AHCY: variants seen among roughly 807,000 people sequenced by gnomAD.
The protein encoded by AHCY is S-adenosyl-L-homocysteine hydrolase.
AHCY carries 24 observed loss-of-function variants against 45.4 expected under a neutral mutation model. That is an observed-to-expected ratio of 0.53 (90% CI 0.38 to 0.74). AHCY has a LOEUF of 0.74. Ranked by LOEUF, AHCY falls within the 30% of genes least tolerant of loss-of-function variation. The pLI, the probability that AHCY is intolerant of heterozygous loss-of-function variation, is 0.00. For missense variants in AHCY, 449 were observed against 594.1 expected, an observed-to-expected ratio of 0.76 and a Z score of 2.54; for synonymous variants, 245 against 235.1, an observed-to-expected ratio of 1.04 and a Z score of -0.39.
chr20:34,280,994 G>C lies in AHCY; in HGVS notation c.*40C>G. On this transcript the variant is annotated 3_prime_UTR_variant, in exon 10 of 10. Transcript: ENST00000217426. ...CTTAGGGAGGAGAGGTGGGGCCTGG[G>C]CAAGGACAGCAGCTGGAGGGTGAAA... 1 of 1,613,228 alleles carries C rather than the reference G, an allele frequency of 6.2e-7. No homozygotes were observed. Among genetic ancestry groups the C allele is most frequent in the Non-Finnish European group, 8.5e-7 (1 of 1,179,760 alleles).
chr20:34,302,473 T>G, intron 1 of AHCY: 1 of 455,080 alleles, frequency 2.2e-6, no homozygotes, highest in Non-Finnish European at 2.9e-6. Flanking sequence ...GCTGTAAGAC[T>G]GAGGGCAAGT....
At position 34,296,502 on chromosome 20, in the gene AHCY, A is replaced by G. The variant is rs148630256; in HGVS notation, c.29-917T>C. ...GGTTACTAGTAACAAAAAGTATTTCAGGTGCTATCTGCCACCTAAAATGTC... is the reference window on the plus strand; with the variant it reads ...GGTTACTAGTAACAAAAAGTATTTCGGGTGCTATCTGCCACCTAAAATGTC... On this transcript the variant is annotated intron_variant, in intron 1 of 9. Coordinates refer to ENST00000217426, the MANE Select transcript of AHCY (RefSeq NM_000687.4). Among the ~76,000 whole-genome samples the G allele has an allele frequency of 2.1e-4, 32 of 152,344 alleles. 1 individual carries two copies. The highest frequency in any genetic ancestry group is 6.0e-4 in the African/African-American group (25 of 41,578).
intron 1 of AHCY, among the ~76,000 whole-genome samples, chr20:34,296,478 G>C (rs1393763452): frequency 6.6e-6 from 1 of 152,162 alleles, no homozygotes; most frequent in Non-Finnish European, 1.5e-5. Context: ...TGGCTTCATG[G>C]TTACTAGTAA....
At chr20:34,245,496 T>C in the AHCY span, among the ~76,000 whole-genome samples, 8 of 151,414 alleles carry the variant, frequency 5.3e-5, no homozygotes, top group Admixed American at 5.3e-4. Context: ...CCAGCGATTC[T>C]CAGGCCTCAG....
At chr20:34,235,829 GA>G in the AHCY span, among the ~76,000 whole-genome samples, 69 of 62,656 alleles carry the variant, frequency 1.1e-3, no homozygotes, top group African/African-American at 8.5e-3. Context: ...AAGAAAGAAA[GA>G]AAGAAAGAAA....
chr20:34,236,356 A>G, the AHCY span, among the ~76,000 whole-genome samples: 4 of 152,162 alleles, frequency 2.6e-5, no homozygotes, highest in Non-Finnish European at 4.4e-5. Flanking sequence ...CCTGGCCAAC[A>G]TGGTGAAACC....
chr20:34,289,073 G>A (rs988064415), intron 8 of AHCY, among the ~76,000 whole-genome samples: 31 of 152,012 alleles, frequency 2.0e-4, no homozygotes, highest in Admixed American at 5.2e-4. Context: ...GCGCAATCTC[G>A]GCTCACTGCA....
In AHCY at chr20:34,295,356, A is replaced by G. The variant is rs757335605; in HGVS notation, c.219+39T>C. 14 of 1,611,848 alleles carry G rather than the reference A, an allele frequency of 8.7e-6. No individual in the cohort carries two copies. In the Middle Eastern group the frequency reaches 6.6e-4, roughly 76 times the overall value. On this transcript the variant is annotated intron_variant, in intron 2 of 9. Transcript: ENST00000217426. ...TCTTCTTCCCTGGCTGAACCCAGGG[A>G]GGGCAAGGACTCTGGGGTGATACAG...
At chr20:34,295,787 T>C (rs937788878) in intron 1 of AHCY, among the ~76,000 whole-genome samples, 15 of 152,206 alleles carry the variant, frequency 9.9e-5, no homozygotes, top group Non-Finnish European at 1.5e-4. Context: ...TACCTGCACC[T>C]TTCTGACTTG....
chr20:34,286,631 C>A (rs1191419497), intron 8 of AHCY, among the ~76,000 whole-genome samples: 1 of 151,914 alleles, frequency 6.6e-6, no homozygotes, highest in East Asian at 1.9e-4. Context: ...GTCGGGAGTT[C>A]GGGACCAGCC....
At chr20:34,252,675 C>T in the AHCY span, among the ~76,000 whole-genome samples, 1 of 152,128 alleles carries the variant, frequency 6.6e-6, no homozygotes, top group Non-Finnish European at 1.5e-5. Flanking sequence ...TTCACTACTC[C>T]CCCTCAGCAC....
the AHCY span, among the ~76,000 whole-genome samples, chr20:34,235,893 G>GAAT: frequency 9.8e-5 from 9 of 91,982 alleles, no homozygotes; most frequent in Non-Finnish European, 1.6e-4. Flanking sequence ...AAGGAAGGAA[G>GAAT]GAAGGAAAGG....
chr20:34,253,731 A>C, the AHCY span, among the ~76,000 whole-genome samples: 1 of 152,118 alleles, frequency 6.6e-6, no homozygotes, highest in African/African-American at 2.4e-5. Flanking sequence ...TCAGCTTCCC[A>C]AAGTGCTGGG....
At chr20:34,250,760 T>A in the AHCY span, among the ~76,000 whole-genome samples, 2 of 152,068 alleles carry the variant, frequency 1.3e-5, no homozygotes, top group Non-Finnish European at 2.9e-5. Context: ...TCCATTCTCA[T>A]CTCTCACTAC....
chr20:34,245,767 A>T, the AHCY span, among the ~76,000 whole-genome samples: 10 of 151,988 alleles, frequency 6.6e-5, no homozygotes, highest in Non-Finnish European at 1.3e-4. Flanking sequence ...GACTTTGGCA[A>T]TTAAAAAAAC....
Position 34,285,505 on chromosome 20 carries a change from C to T in AHCY, c.1102G>A (p.Ala368Thr), listed in dbSNP as rs770742719. 2 of 1,614,162 alleles carry T rather than the reference C, an allele frequency of 1.2e-6. No individual in the cohort carries two copies. The highest frequency in any genetic ancestry group is 1.7e-6 in the Non-Finnish European group (2 of 1,179,996). The change falls in exon 9 of 10, where the codon GCG becomes ACG. Residue 368 changes from alanine to threonine, a missense_variant. Transcript: ENST00000217426. ...MSNSFTNQVM[A>T]QIELWTHPDK... ...GGATGGGTCCACAGCTCGATCTGCG[C>T]CATCACCTGGTTGGTGAAGGAGTTA... is the stretch of plus-strand genomic sequence containing the variant.
chr20:34,260,583 G>A, the AHCY span: 4 of 1,534,612 alleles, frequency 2.6e-6, no homozygotes, highest in South Asian at 1.2e-5. Context: ...GGCTGCAGGA[G>A]ATCAAGCATG....
At chr20:34,263,426 G>GT in the AHCY span, among the ~76,000 whole-genome samples, 1 of 151,850 alleles carries the variant, frequency 6.6e-6, no homozygotes, top group African/African-American at 2.4e-5. Context: ...TTAGCCAGGC[G>GT]TGGTGGTGGG....
At chr20:34,260,683 T>C in the AHCY span, 1 of 942,010 alleles carries the variant, frequency 1.1e-6, no homozygotes. Context: ...AAGGTGGCCC[T>C]TGACTCATTT....
Sources: allele counts gnomAD v4.1 joint callset (sites outside exome capture counted in the v4.1 genomes callset), GRCh38; gene constraint gnomAD v4.1.1; transcripts MANE v1.5; gene names NCBI Gene and HGNC (gene_info 2026-07-23, HGNC 2026-07-21).